Variants in PRKN observed in about 807,000 individuals in gnomAD.
PRKN encodes the protein E3 ubiquitin-protein ligase parkin.
A neutral mutation model predicts 59.5 loss-of-function variants in PRKN; 56 were observed. The observed-to-expected ratio is 0.94, with a 90% CI of 0.76 to 1.18. The LOEUF (loss-of-function observed/expected upper bound fraction) is 1.18. PRKN is among the 50% of genes most tolerant of loss of function. PRKN has a pLI of 0.00. For missense variants in PRKN, 657 were observed against 596.4 expected, an observed-to-expected ratio of 1.10 and a Z score of -1.06; for synonymous variants, 250 against 222.1, an observed-to-expected ratio of 1.13 and a Z score of -1.12.
intron 9 of PRKN, among the ~76,000 whole-genome samples, chr6:161,495,743 T>C (rs1391534338): frequency 1.3e-5 from 2 of 152,234 alleles, no homozygotes; most frequent in Admixed American, 1.3e-4. Flanking sequence ...CACACAACTA[T>C]TGTTCATCTA....
intron 5 of PRKN, among the ~76,000 whole-genome samples, chr6:162,003,943 C>T (rs1782155130): frequency 6.6e-6 from 1 of 152,130 alleles, no homozygotes; most frequent in African/African-American, 2.4e-5. Context: ...TTTTATCTTG[C>T]AACTTCAACG....
In PRKN at chr6:161,348,655, A is replaced by G. The variant is rs1725995303; in HGVS notation, c.*1444T>C. 4.7e-6 allele frequency: 1 copy of G among 211,026 alleles called. No homozygotes were observed. The highest frequency in any genetic ancestry group is 2.3e-5 in the African/African-American group (1 of 44,004). The allele number at this position is 211,026 out of a possible 1,614,324, so 13.1% of individuals were successfully genotyped here. A position where few individuals can be genotyped will look rare whatever the true frequency, so the allele number is the denominator to read the frequency against. On this transcript the variant is annotated 3_prime_UTR_variant, in exon 12 of 12. Transcript: ENST00000366898. The surrounding 1 kb of genome is among the most constrained non-coding windows in gnomAD (Gnocchi z 4.9). ...CAGCAAGGATTTCAGTGCTACATCT[A>G]AAAAGAGAAGCCCTGTTGCCGATTT...
intron 4 of PRKN, among the ~76,000 whole-genome samples, chr6:162,142,134 G>A (rs1018033236): frequency 6.6e-6 from 1 of 152,164 alleles, no homozygotes; most frequent in African/African-American, 2.4e-5. Context: ...CAGTAAGGCA[G>A]GAGAGAAGGA....
intron 2 of PRKN, among the ~76,000 whole-genome samples, chr6:162,396,239 T>C (rs1444629683): frequency 6.6e-6 from 1 of 152,140 alleles, no homozygotes; most frequent in East Asian, 1.9e-4. Context: ...AAAGAATAAA[T>C]TTCTCTGAAA....
intron 6 of PRKN, among the ~76,000 whole-genome samples, chr6:161,792,572 G>A (rs1035719239): frequency 3.7e-4 from 57 of 152,164 alleles, no homozygotes; most frequent in African/African-American, 1.3e-3. Context: ...AAAATATTAC[G>A]TGCAAAATCC....
chr6:162,706,604 G>C (rs1778349140), intron 1 of PRKN, among the ~76,000 whole-genome samples: 1 of 152,154 alleles, frequency 6.6e-6, no homozygotes, highest in Admixed American at 6.5e-5. Context: ...CTCTAACCTT[G>C]GACAAGCGAT....
Position 161,376,153 on chromosome 6 carries a change from C to A in PRKN, c.1167+10641G>T, listed in dbSNP as rs1358208960. Among the ~76,000 whole-genome samples the A allele has an allele frequency of 2.6e-5, 4 of 152,278 alleles. No homozygotes were observed. In the East Asian group the frequency reaches 5.8e-4, roughly 22 times the overall value. ...GCCACTGCTGCTTCAGTGTCCTCCA[C>A]TGAGGGAGGTGCACCTCCTAGCCTC... On this transcript the variant is annotated intron_variant, in intron 10 of 11. Coordinates refer to ENST00000366898, the MANE Select transcript of PRKN (RefSeq NM_004562.3). The surrounding 1 kb of genome is among the most constrained non-coding windows in gnomAD (Gnocchi z 7.3).
chr6:162,224,940 C>T (rs879473003), intron 3 of PRKN, among the ~76,000 whole-genome samples: 1 of 152,158 alleles, frequency 6.6e-6, no homozygotes, highest in Admixed American at 6.5e-5. Flanking sequence ...ACCCGAAACT[C>T]CTGGTGTTCT....
chr6:162,475,257 C>G (rs1791946010), intron 1 of PRKN, among the ~76,000 whole-genome samples: 1 of 152,200 alleles, frequency 6.6e-6, no homozygotes, highest in South Asian at 2.1e-4. Context: ...AAGGCTAAGG[C>G]ACCCATTCAT....
chr6:162,027,958 T>C (rs1783498471), intron 5 of PRKN, among the ~76,000 whole-genome samples: 2 of 151,820 alleles, frequency 1.3e-5, no homozygotes, highest in African/African-American at 4.8e-5. Flanking sequence ...TGTTTTGATT[T>C]TTCCATAATT....
In PRKN at chr6:161,497,173, G is replaced by A. The variant is rs1364295610; in HGVS notation, c.1083+51681C>T. 6.6e-6 allele frequency among the ~76,000 whole-genome samples: 1 copy of A among 152,200 alleles called. No individual in the cohort carries two copies. The highest frequency in any genetic ancestry group is 2.4e-5 in the African/African-American group (1 of 41,452). On this transcript the variant is annotated intron_variant, in intron 9 of 11. Coordinates refer to ENST00000366898, the MANE Select transcript of PRKN (RefSeq NM_004562.3). This position sits in a 1 kb window ranked among gnomAD's most constrained non-coding sequence, Gnocchi z 4.6. ...CATTGCTGGCTAGTGGCCTGCAGGA[G>A]GGGCACTTATCAGTACTTCCTCACT...
intron 6 of PRKN, among the ~76,000 whole-genome samples, chr6:161,931,155 G>T (rs2128240917): frequency 6.6e-6 from 1 of 152,320 alleles, no homozygotes; most frequent in East Asian, 1.9e-4. Flanking sequence ...AGACACGGCG[G>T]CTGGGCGTGG....
intron 6 of PRKN, among the ~76,000 whole-genome samples, chr6:161,932,332 G>C (rs1779197356): frequency 6.6e-6 from 1 of 151,880 alleles, no homozygotes; most frequent in Non-Finnish European, 1.5e-5. Flanking sequence ...ATAAATTTTT[G>C]TTCATTGAAT....
At chr6:162,619,910 T>C (rs2803043) in intron 1 of PRKN, among the ~76,000 whole-genome samples, 80,928 of 152,008 alleles carry the variant, frequency 0.53, 22,313 homozygotes, top group African/African-American at 0.64. Context: ...TGCACTTTAT[T>C]AGTTAATGAG....
intron 1 of PRKN, among the ~76,000 whole-genome samples, chr6:162,685,853 A>G (rs962687410): frequency 7.9e-5 from 12 of 152,072 alleles, no homozygotes; most frequent in Non-Finnish European, 1.5e-4. Flanking sequence ...TTTCCCTCTC[A>G]GTGGATGTCA....
chr6:162,658,658 C>CAAAAAAAAAAAAA (rs57853171), intron 1 of PRKN, among the ~76,000 whole-genome samples: 3 of 109,108 alleles, frequency 2.7e-5, no homozygotes, highest in Non-Finnish European at 5.6e-5. Flanking sequence ...GAGACTCTGT[C>CAAAAAAAAAAAAA]AAAAAAAAAA....
chr6:162,696,789 A>C lies in PRKN; in HGVS notation c.7+30873T>G, dbSNP rs1230258486. ...TTGAACTCTTGGGCTCGAGGGATCC[A>C]TCTACCTCGGCCTCCCAAGGTGTTG... On this transcript the variant is annotated intron_variant, in intron 1 of 11. Coordinates refer to ENST00000366898, the MANE Select transcript of PRKN (RefSeq NM_004562.3). Among the ~76,000 whole-genome samples, 15 of 151,888 alleles carry C rather than the reference A, an allele frequency of 9.9e-5. No homozygotes were observed. The East Asian group carries it at 2.9e-3, about 30-fold the overall frequency.
At chr6:161,435,327 T>A (rs1788831193) in intron 9 of PRKN, among the ~76,000 whole-genome samples, 1 of 152,180 alleles carries the variant, frequency 6.6e-6, no homozygotes, top group African/African-American at 2.4e-5. Flanking sequence ...ACTCTATTTT[T>A]ATCAAGCCAT....
At chr6:161,367,759 A>G (rs1785268422) in intron 10 of PRKN, among the ~76,000 whole-genome samples, 1 of 152,168 alleles carries the variant, frequency 6.6e-6, no homozygotes, top group African/African-American at 2.4e-5. Flanking sequence ...CCTGCTGCCC[A>G]GGAGGGGAAG....
Sources: allele counts gnomAD v4.1 joint callset (sites outside exome capture counted in the v4.1 genomes callset), GRCh38; gene constraint gnomAD v4.1.1; non-coding constraint Gnocchi (gnomAD v3.1); transcripts MANE v1.5; gene names NCBI Gene and HGNC (gene_info 2026-07-23, HGNC 2026-07-21).